LRRN2: variants seen among roughly 807,000 people sequenced by gnomAD.
The protein encoded by LRRN2 is leucine-rich repeat neuronal protein 2.
LRRN2 carries 10 observed loss-of-function variants against 35.7 expected under a neutral mutation model. That is an observed-to-expected ratio of 0.28 (90% confidence interval 0.17 to 0.47). The LOEUF (loss-of-function observed/expected upper bound fraction) is 0.47, where lower values mean the gene tolerates loss of function less well. LRRN2 is among the 20% of genes least tolerant of loss of function. The pLI, the probability that LRRN2 is intolerant of heterozygous loss-of-function variation, is 0.99. For synonymous variants in LRRN2, 391 were observed against 409.6 expected, an observed-to-expected ratio of 0.95 and a Z score of 0.55; for missense variants, 731 against 940.3, an observed-to-expected ratio of 0.78 and a Z score of 2.91.
Position 204,618,196 on chromosome 1 carries a change from C to T in LRRN2, c.1797G>A (p.Val599=). 1 of 1,614,156 alleles carries T rather than the reference C, an allele frequency of 6.2e-7. No individual in the cohort carries two copies. The highest frequency in any genetic ancestry group is 8.5e-7 in the Non-Finnish European group (1 of 1,180,010). ...QATEYWACLQ[V]AFADAHTQLA... is the part of the protein sequence containing the mutation. ...ACTGGGTGTGGGCATCAGCAAAGGC[C>T]ACTTGCAGGCAGGCCCAGTACTCCG... The change falls in exon 2 of 2, where the codon GTG becomes GTA. Residue 599 remains valine (V), a synonymous_variant. Transcript: ENST00000367177.
At chr1:204,650,580 A>AG (rs1210537875) in intron 1 of LRRN2, among the ~76,000 whole-genome samples, 1 of 152,074 alleles carries the variant, frequency 6.6e-6, no homozygotes, top group East Asian at 1.9e-4. Context: ...GGCATCCAGG[A>AG]GGGGTTGCTT....
At chr1:204,649,079 A>G (rs1435989660) in intron 1 of LRRN2, among the ~76,000 whole-genome samples, 1 of 152,220 alleles carries the variant, frequency 6.6e-6, no homozygotes, top group African/African-American at 2.4e-5. Context: ...CACAGAGCAA[A>G]TCAGCATCAA....
At chr1:204,678,698 C>T (rs1012187192) in intron 1 of LRRN2, among the ~76,000 whole-genome samples, 1 of 152,136 alleles carries the variant, frequency 6.6e-6, no homozygotes, top group Non-Finnish European at 1.5e-5. Flanking sequence ...TCCCCTCTGC[C>T]CAGCTTGCCC....
At chr1:204,650,560 G>C (rs1459103760) in intron 1 of LRRN2, among the ~76,000 whole-genome samples, 1 of 152,088 alleles carries the variant, frequency 6.6e-6, no homozygotes, top group East Asian at 1.9e-4. Context: ...GATGCCAGCA[G>C]CTGGGGCCTG....
intron 1 of LRRN2, among the ~76,000 whole-genome samples, chr1:204,667,385 A>G (rs1002476943): frequency 6.6e-6 from 1 of 152,204 alleles, no homozygotes; most frequent in South Asian, 2.1e-4. Flanking sequence ...AAAAGGTTAA[A>G]AAACAACAAT....
chr1:204,671,112 C>T (rs1196870654), intron 1 of LRRN2, among the ~76,000 whole-genome samples: 3 of 152,046 alleles, frequency 2.0e-5, no homozygotes, highest in South Asian at 2.1e-4. Flanking sequence ...TCTGCAGACA[C>T]AGGAGGGAAG....
At chr1:204,652,260 G>GCCCCCCCCCCCCCCCCCCCCCCCCCCCC (rs57390819) in intron 1 of LRRN2, among the ~76,000 whole-genome samples, 5 of 60,456 alleles carry the variant, frequency 8.3e-5, no homozygotes, top group African/African-American at 1.9e-4. Flanking sequence ...CCTCTTCACC[G>GCCCCCCCCCCCCCCCCCCCCCCCCCCCC]CCCCCCCCCC....
intron 1 of LRRN2, chr1:204,633,059 G>C (rs1667750057): frequency 6.6e-6 from 1 of 152,156 alleles, no homozygotes; most frequent in South Asian, 2.1e-4. Context: ...GGGGCCTTTT[G>C]GGACGTGTTT....
chr1:204,643,551 G>A (rs7533494), intron 1 of LRRN2, among the ~76,000 whole-genome samples: 15,181 of 152,058 alleles, frequency 0.1, 1,242 homozygotes, highest in African/African-American at 0.22. Context: ...TGAAGAGGGG[G>A]CGAGGATGAG....
At chr1:204,631,587 C>T (rs1667706303) in intron 1 of LRRN2, among the ~76,000 whole-genome samples, 1 of 151,390 alleles carries the variant, frequency 6.6e-6, no homozygotes, top group African/African-American at 2.4e-5. Flanking sequence ...CATGATTCTA[C>T]CTCATGTAGG....
intron 1 of LRRN2, among the ~76,000 whole-genome samples, chr1:204,626,540 C>A (rs1304385112): frequency 6.6e-6 from 1 of 152,134 alleles, no homozygotes; most frequent in Non-Finnish European, 1.5e-5. Context: ...TCCCCTGTGA[C>A]GCTTTCCCTT....
At chr1:204,674,315 C>T (rs1182985748) in intron 1 of LRRN2, among the ~76,000 whole-genome samples, 1 of 152,066 alleles carries the variant, frequency 6.6e-6, no homozygotes, top group Non-Finnish European at 1.5e-5. Context: ...CCCTCCCCTC[C>T]CCTCCTCACT....
intron 1 of LRRN2, among the ~76,000 whole-genome samples, chr1:204,664,805 C>T (rs1668543805): frequency 6.6e-6 from 1 of 152,192 alleles, no homozygotes; most frequent in African/African-American, 2.4e-5. Context: ...TCTGCGTCTG[C>T]CTTGTGCCCA....
intron 1 of LRRN2, among the ~76,000 whole-genome samples, chr1:204,645,003 C>T (rs1298178978): frequency 6.6e-6 from 1 of 152,220 alleles, no homozygotes; most frequent in East Asian, 1.9e-4. Context: ...CTACTCCAAG[C>T]CACAGGGCAG....
intron 1 of LRRN2, among the ~76,000 whole-genome samples, chr1:204,645,492 G>A (rs1436621124): frequency 6.6e-6 from 1 of 152,128 alleles, no homozygotes; most frequent in Non-Finnish European, 1.5e-5. Context: ...TTCACAGTAG[G>A]GTTTAGGTCG....
At position 204,619,004 on chromosome 1, in the gene LRRN2, G is replaced by A; in HGVS notation, c.989C>T (p.Ala330Val). Residue 330 changes from alanine (A) to valine (V), a missense_variant, in exon 2 of 2, where the codon GCC (alanine) becomes GTC (valine). By Grantham distance (64) the Ala-to-Val change is moderately conservative (BLOSUM62 0). This residue lies in a region of LRRN2 where 256 missense variants were observed against 392.4 expected (regional missense o/e 0.65). Transcript: ENST00000367177. ...CTCCATCTGGGGCAGGTGGTGGAAG[G>A]CGCGGGGGTGGATGAAGGACAGCCG... ...NPRLSFIHPRAFHHLPQMETL... is the reference protein window; with the variant it reads ...NPRLSFIHPRVFHHLPQMETL... The A allele has an allele frequency of 6.2e-7, 1 of 1,611,620 alleles. No homozygotes were observed.
At chr1:204,649,420 A>G (rs1404609730) in intron 1 of LRRN2, among the ~76,000 whole-genome samples, 1 of 152,206 alleles carries the variant, frequency 6.6e-6, no homozygotes, top group Non-Finnish European at 1.5e-5. Context: ...GGATGTGCAC[A>G]TGAATGAATC....
chr1:204,664,036 C>T (rs2102619978), intron 1 of LRRN2: 1 of 152,334 alleles, frequency 6.6e-6, no homozygotes, highest in South Asian at 2.1e-4. Flanking sequence ...CACTGGGCTG[C>T]CCACAGTAAG....
rs530932799 is a variant in LRRN2, at chr1:204,635,390, C to T, written c.-226-15172G>A. 2.1e-4 allele frequency among the ~76,000 whole-genome samples: 32 copies of T among 152,186 alleles called. 1 individual carries two copies. In the East Asian group the frequency reaches 2.3e-3, roughly 11 times the overall value. On this transcript the variant is annotated intron_variant, in intron 1 of 1. Coordinates refer to ENST00000367177, the MANE Select transcript of LRRN2 (RefSeq NM_201630.2). ...TTGTTCTCATCCTTAAACCTCTCTC[C>T]GCAGCCCAGTACAATTGAGAGGGTG...
Sources: allele counts gnomAD v4.1 joint callset (sites outside exome capture counted in the v4.1 genomes callset), GRCh38; gene constraint gnomAD v4.1.1; regional missense constraint gnomAD v4.1.1; transcripts MANE v1.5; gene names NCBI Gene and HGNC (gene_info 2026-07-23, HGNC 2026-07-21).